Variants in CYBA observed in about 807,000 individuals in gnomAD.
CYBA encodes cytochrome b-245 light chain.
In CYBA, 21 loss-of-function variants were observed where a neutral mutation model predicts 20.8. The observed-to-expected ratio is 1.01, with a 90% CI of 0.72 to 1.46. The LOEUF is 1.46. Among genes scored for constraint, CYBA ranks in the 40% most tolerant of loss-of-function variants. The pLI, the probability that CYBA is intolerant of heterozygous loss-of-function variation, is 0.00. For synonymous variants in CYBA, 164 were observed against 127.5 expected (o/e 1.29, Z -1.93); for missense variants, 344 against 287.0 (o/e 1.20, Z -1.43).
intron 2 of CYBA, 84 bp downstream of exon 2, chr16:88,647,961 G>T: frequency 7.5e-7 from 1 of 1,329,832 alleles, no homozygotes; most frequent in South Asian, 1.2e-5. Flanking sequence ...GGTGGGGAGC[G>T]GAGGCAAACA....
Position 88,647,186 on chromosome 16 carries a change from G to A in CYBA, c.129-11C>T. ...AACACGCCCGCCACACTGAAGCCAT[G>A]TGGTTAAGGAACAGCCCAGCTCAGC... On this transcript the variant is annotated splice_polypyrimidine_tract_variant and intron_variant, in intron 2 of 5. Transcript: ENST00000261623. 1.2e-6 allele frequency: 2 copies of A among 1,611,644 alleles called. No homozygotes were observed. The highest frequency in any genetic ancestry group is 2.2e-5 in the East Asian group (1 of 44,872).
rs1380363163 is a variant in CYBA at position 88,645,319 on chromosome 16, C to G, written c.369+797G>C. On this transcript the variant is annotated intron_variant, in intron 5 of 5. Coordinates refer to ENST00000261623, the MANE Select transcript of CYBA (RefSeq NM_000101.4). The stretch of plus-strand genomic sequence containing the variant: ...TGAGGCTTGAAACAGAACTCCACTT[C>G]CATACGCGGAAGGCGTACACAGAAA... 6 of 702,340 alleles carry G rather than the reference C, an allele frequency of 8.5e-6. No homozygotes were observed. In the Admixed American group the frequency reaches 1.2e-4, roughly 14 times the overall value. 43.5% of individuals were successfully genotyped at this position (702,340 alleles called of 1,614,324 possible).
At chr16:88,645,006 A>C (rs1907222625) in intron 5 of CYBA, 2 of 610,376 alleles carry the variant, frequency 3.3e-6, no homozygotes, top group South Asian at 3.8e-5. Context: ...GAGAAAGCCT[A>C]GTGCATGGTG....
rs1214052083 is a variant in CYBA, at chr16:88,643,618, C to G, written c.370-47G>C. The G allele has an allele frequency of 5.4e-6, 8 of 1,487,718 alleles. No homozygotes were observed. In the African/African-American group the frequency reaches 9.8e-5, roughly 18 times the overall value. 92.2% of individuals were successfully genotyped at this position (1,487,718 alleles called of 1,614,324 possible). A position where few individuals can be genotyped will look rare whatever the true frequency, so the allele number is the denominator to read the frequency against. ...AGCCGCGCCCCAGCGCCCGCCCTCC[C>G]TCCCTCCCTCCCTCCCCGGAGGCCC... On this transcript the variant is annotated intron_variant, in intron 5 of 5. Transcript: ENST00000261623. This position sits in a 1 kb window ranked among gnomAD's most constrained non-coding sequence, Gnocchi z 4.3.
intron 3 of CYBA, 63 bp from the exon 4 acceptor site, chr16:88,646,901 G>T: frequency 7.0e-7 from 1 of 1,432,328 alleles, no homozygotes; most frequent in Non-Finnish European, 9.8e-7. Context: ...CTCCTTTGCT[G>T]CCCTGCTGAC....
chr16:88,646,115 C>T lies in CYBA; in HGVS notation c.369+1G>A, dbSNP rs905944088. The T allele has an allele frequency of 3.2e-6, 5 of 1,551,894 alleles. No individual in the cohort carries two copies. The highest frequency in any genetic ancestry group is 2.4e-5 in the South Asian group (2 of 84,238). ...GGCCGACCTCAGAGGGCGCCACTCACCAGTAGGTAGATGCCGCTCGCAATG... is the reference window on the plus strand; with the variant it reads ...GGCCGACCTCAGAGGGCGCCACTCATCAGTAGGTAGATGCCGCTCGCAATG... On this transcript the variant is annotated splice_donor_variant, in intron 5 of 5. Transcript: ENST00000261623. LOFTEE classifies it high-confidence loss of function.
In CYBA at chr16:88,643,566, A is replaced by G. The variant is rs1412775898; in HGVS notation, c.375T>C (p.Ala125=). ...AIASGIYLLA[A]VRGEQWTPIE... ...TGGGCGTCCACTGCTCGCCACGCAC[A>G]GCCGCCTGCGGGGCACTGAAGGGTT... The change falls in exon 6 of 6, where the codon GCT becomes GCC. Residue 125 remains alanine, a synonymous_variant. Transcript: ENST00000261623. The surrounding 1 kb of genome is among the most constrained non-coding windows in gnomAD (Gnocchi z 4.3). 7.2e-6 allele frequency: 11 copies of G among 1,532,596 alleles called. No individual in the cohort carries two copies. Among genetic ancestry groups the G allele is most frequent in the Non-Finnish European group, 9.6e-6 (11 of 1,145,598 alleles). 94.9% of individuals were successfully genotyped at this position (1,532,596 alleles called of 1,614,324 possible). A position where few individuals can be genotyped will look rare whatever the true frequency, so the allele number is the denominator to read the frequency against.
chr16:88,645,571 C>A (rs1907247352), intron 5 of CYBA: 1 of 626,106 alleles, frequency 1.6e-6, no homozygotes, highest in South Asian at 1.8e-5. Context: ...GGCCAGGCTG[C>A]GCCCTGTCCT....
At chr16:88,645,513 G>A (rs1907246245) in intron 5 of CYBA, 11 of 676,784 alleles carry the variant, frequency 1.6e-5, no homozygotes, top group Admixed American at 8.2e-5. Flanking sequence ...GCCTGCAGCC[G>A]TCTGTTCCGG....
intron 3 of CYBA, 120 bp from the exon 4 acceptor site, chr16:88,646,958 C>T: frequency 1.7e-6 from 2 of 1,174,854 alleles, no homozygotes; most frequent in Non-Finnish European, 2.5e-6. Flanking sequence ...ACACACCGGG[C>T]AGGCACCGGC....
intron 2 of CYBA, among the ~76,000 whole-genome samples, chr16:88,647,510 T>C (rs1907333785): frequency 6.6e-6 from 1 of 152,130 alleles, no homozygotes; most frequent in Non-Finnish European, 1.5e-5. Context: ...CACTGCAGCC[T>C]GGGGGACAGA....
At chr16:88,645,310 A>G (rs1160516292) in intron 5 of CYBA, 4 of 702,314 alleles carry the variant, frequency 5.7e-6, no homozygotes, top group Non-Finnish European at 1.0e-5. Flanking sequence ...TTGAAACAGA[A>G]CTCCACTTCC....
intron 1 of CYBA, chr16:88,650,657 T>C: frequency 5.1e-6 from 3 of 589,610 alleles, no homozygotes; most frequent in Non-Finnish European, 9.4e-6. Context: ...GAACCGCCTC[T>C]TCCCCTGCGC....
Position 88,643,591 on chromosome 16 carries a change from T to G in CYBA, c.370-20A>C, listed in dbSNP as rs1907167355. 7 of 1,530,122 alleles carry G rather than the reference T, an allele frequency of 4.6e-6. No individual in the cohort carries two copies. Among genetic ancestry groups the G allele is most frequent in the Non-Finnish European group, 6.1e-6 (7 of 1,143,808 alleles). 94.8% of individuals were successfully genotyped at this position (1,530,122 alleles called of 1,614,324 possible). On this transcript the variant is annotated intron_variant, in intron 5 of 5. Coordinates refer to ENST00000261623, the MANE Select transcript of CYBA (RefSeq NM_000101.4). This position sits in a 1 kb window ranked among gnomAD's most constrained non-coding sequence, Gnocchi z 4.3. ...AGCCGCCTGCGGGGCACTGAAGGGT[T>G]GAGCCGCGCCCCAGCGCCCGCCCTC...
At position 88,643,411 on chromosome 16, in the gene CYBA, C is replaced by CCCG. The variant is rs760275837; in HGVS notation, c.527_529dup (p.Ala176dup). 6.7e-4 allele frequency: 1,028 copies of CCCG among 1,534,392 alleles called. No individual in the cohort carries two copies. Among genetic ancestry groups the CCCG allele is most frequent in the Non-Finnish European group, 7.9e-4 (909 of 1,143,476 alleles). ...GACCTGGGGACCTCCCGGGGGTCCC[C>CCCG]CCGCCGCCACCGCAGCCTCCTCCTC... On this transcript the variant is annotated inframe_insertion, in exon 6 of 6. Coordinates refer to ENST00000261623, the MANE Select transcript of CYBA (RefSeq NM_000101.4). The surrounding 1 kb of genome is among the most constrained non-coding windows in gnomAD (Gnocchi z 4.3).
Position 88,650,850 on chromosome 16 carries a change from C to T in CYBA, c.58+106G>A, listed in dbSNP as rs1362520377. On this transcript the variant is annotated intron_variant, in intron 1 of 5. Transcript: ENST00000261623. Reference sequence around the variant, plus strand: ...GGCCTGACCCCGGCCCGGCCTGGCCCGCCTGGCGCCCCACTTCCCCACCCT... The same window carrying T: ...GGCCTGACCCCGGCCCGGCCTGGCCTGCCTGGCGCCCCACTTCCCCACCCT... 3.1e-6 allele frequency: 4 copies of T among 1,295,354 alleles called. No individual in the cohort carries two copies. The African/African-American group carries it at 4.4e-5, about 14-fold the overall frequency. 80.2% of individuals were successfully genotyped at this position (1,295,354 alleles called of 1,614,324 possible).
chr16:88,647,917 C>T, intron 2 of CYBA, 128 bp downstream of exon 2: 3 of 944,646 alleles, frequency 3.2e-6, no homozygotes, highest in Non-Finnish European at 1.6e-6. Context: ...CCAACCCGTG[C>T]ACAGCCCACC....
Position 88,643,447 on chromosome 16 carries a change from T to C in CYBA, c.494A>G (p.Lys165Arg), listed in dbSNP as rs1283961434. The change falls in exon 6 of 6, where the codon AAG (lysine) becomes AGG (arginine). Residue 165 changes from lysine to arginine, a missense_variant. Lys to Arg is a conservative substitution (Grantham distance 26). Transcript: ENST00000261623. The surrounding 1 kb of genome is among the most constrained non-coding windows in gnomAD (Gnocchi z 4.3). ...CGCAGCCTCCTCCTCGCTGGGCTTCTTGCGGGCCTCGGCCGGGGGCCGCGG... is the reference window on the plus strand; with the variant it reads ...CGCAGCCTCCTCCTCGCTGGGCTTCCTGCGGGCCTCGGCCGGGGGCCGCGG... ...PPPRPPAEAR[K>R]KPSEEEAAVA... is the part of the protein sequence containing the mutation. The C allele has an allele frequency of 2.0e-6, 3 of 1,534,370 alleles. No homozygotes were observed. In the Admixed American group the frequency reaches 5.9e-5, roughly 30 times the overall value.
chr16:88,644,660 C>G, intron 5 of CYBA: 1 of 172,418 alleles, frequency 5.8e-6, no homozygotes, highest in Admixed American at 5.4e-5. Flanking sequence ...CCCGTCTCTA[C>G]TAAAAATACC....
Sources: allele counts gnomAD v4.1 joint callset (sites outside exome capture counted in the v4.1 genomes callset), GRCh38; gene constraint gnomAD v4.1.1; non-coding constraint Gnocchi (gnomAD v3.1); transcripts MANE v1.5; gene names NCBI Gene and HGNC (gene_info 2026-07-23, HGNC 2026-07-21).